RGS20: variants seen among roughly 807,000 people sequenced by gnomAD.
RGS20 encodes the protein regulator of G protein signaling 20, also known as gz-selective GTPase-activating protein.
Under a neutral mutation model 33.6 loss-of-function variants are expected in RGS20, and 30 were observed. The observed-to-expected ratio is 0.89, with a 90% CI of 0.67 to 1.21. The LOEUF (loss-of-function observed/expected upper bound fraction) is 1.21. Among genes scored for constraint, RGS20 ranks in the 50% most tolerant of loss-of-function variants. The probability of loss-of-function intolerance (pLI) is 0.00; values close to 1 mark genes in which losing one functional copy is unlikely to be tolerated. For synonymous variants in RGS20, 208 were observed against 197.9 expected (o/e 1.05, Z -0.43); for missense variants, 472 against 502.4 (o/e 0.94, Z 0.58).
chr8:53,867,181 C>G (rs1034244425), intron 1 of RGS20, among the ~76,000 whole-genome samples: 1 of 151,914 alleles, frequency 6.6e-6, no homozygotes. Context: ...CTCAGGAGAG[C>G]GGCAGAGCCT....
intron 2 of RGS20, among the ~76,000 whole-genome samples, chr8:53,902,025 T>A (rs1439272196): frequency 6.6e-6 from 1 of 152,144 alleles, no homozygotes; most frequent in Non-Finnish European, 1.5e-5. Flanking sequence ...ACTTTTTATT[T>A]TTTTTTCTTT....
chr8:53,923,378 T>A (rs1443470081), intron 2 of RGS20, among the ~76,000 whole-genome samples: 1 of 152,182 alleles, frequency 6.6e-6, no homozygotes, highest in African/African-American at 2.4e-5. Flanking sequence ...GCAGGCTGCT[T>A]GAACTCAAGA....
At chr8:53,871,204 A>G (rs1263817566) in intron 1 of RGS20, among the ~76,000 whole-genome samples, 1 of 151,728 alleles carries the variant, frequency 6.6e-6, no homozygotes, top group Non-Finnish European at 1.5e-5. Context: ...TATCCAGCAA[A>G]TGGTTCCCTT....
intron 2 of RGS20, among the ~76,000 whole-genome samples, chr8:53,882,643 C>CA (rs34390232): frequency 0.16 from 16,967 of 103,242 alleles, 1,353 homozygotes; most frequent in East Asian, 0.34. Context: ...GACTCCGTCT[C>CA]AAAAAAAAAA....
At chr8:53,925,240 A>G (rs1382956972) in intron 2 of RGS20, among the ~76,000 whole-genome samples, 1 of 152,182 alleles carries the variant, frequency 6.6e-6, no homozygotes, top group Non-Finnish European at 1.5e-5. Context: ...TCATTGCCCC[A>G]GCTTGCCTAG....
At chr8:53,912,187 A>T (rs1813363300) in intron 2 of RGS20, among the ~76,000 whole-genome samples, 1 of 152,148 alleles carries the variant, frequency 6.6e-6, no homozygotes, top group Admixed American at 6.5e-5. Flanking sequence ...GTATCGCCTC[A>T]TTTAATCTTC....
At chr8:53,871,260 C>T (rs763632815) in intron 1 of RGS20, among the ~76,000 whole-genome samples, 2 of 151,662 alleles carry the variant, frequency 1.3e-5, no homozygotes, top group Non-Finnish European at 2.9e-5. Context: ...TGCTTTTGTC[C>T]TCATTTGAAC....
chr8:53,866,630 C>T (rs1031503921), intron 1 of RGS20, among the ~76,000 whole-genome samples: 1 of 152,134 alleles, frequency 6.6e-6, no homozygotes, highest in African/African-American at 2.4e-5. Context: ...GATCCACCTG[C>T]CTCGGCCTCT....
chr8:53,885,750 G>GT (rs1812523631), intron 2 of RGS20, among the ~76,000 whole-genome samples: 1 of 148,584 alleles, frequency 6.7e-6, no homozygotes, highest in Admixed American at 6.7e-5. Context: ...GGAAACCGTG[G>GT]TTTTTTCCAG....
At chr8:53,934,026 A>C (rs1253777156) in intron 2 of RGS20, among the ~76,000 whole-genome samples, 2 of 152,238 alleles carry the variant, frequency 1.3e-5, no homozygotes, top group Non-Finnish European at 2.9e-5. Context: ...TAAGCAAAGG[A>C]GAAATGAAAT....
chr8:53,879,846 T>C (rs1170455207), intron 2 of RGS20: 15 of 424,654 alleles, frequency 3.5e-5, no homozygotes, highest in Non-Finnish European at 5.3e-5. Flanking sequence ...TTCCTTTCCA[T>C]GGTCCAAGAA....
chr8:53,932,592 G>A (rs901755498), intron 2 of RGS20, among the ~76,000 whole-genome samples: 1 of 152,174 alleles, frequency 6.6e-6, no homozygotes, highest in African/African-American at 2.4e-5. Flanking sequence ...CCTTCTCTCT[G>A]GATAGGGCAT....
intron 2 of RGS20, among the ~76,000 whole-genome samples, chr8:53,934,415 T>C (rs1814067014): frequency 6.6e-6 from 1 of 152,142 alleles, no homozygotes; most frequent in African/African-American, 2.4e-5. Flanking sequence ...GGAGGAATAT[T>C]TACAAGCAAA....
intron 2 of RGS20, among the ~76,000 whole-genome samples, chr8:53,897,915 C>T (rs764350011): frequency 1.3e-5 from 2 of 152,202 alleles, no homozygotes; most frequent in African/African-American, 2.4e-5. Flanking sequence ...CCAAATTATA[C>T]AGAGCGGCTG....
rs773310285 is a variant in RGS20 at position 53,958,444 on chromosome 8, T to A, written c.1153T>A (p.Ser385Thr). ...CTTGCTTCAGTCCTTATCGGAGAAA[T>A]CTATTGAAGCATAGGATTTTTCAAA... The change falls in exon 6 of 6, where the codon TCT becomes ACT. Residue 385 changes from serine to threonine, a missense_variant. Ser to Thr is a moderately conservative substitution (Grantham distance 58). This residue lies in a region of RGS20 where 125 missense variants were observed against 169.5 expected (regional missense o/e 0.74). Coordinates refer to ENST00000297313, the MANE Select transcript of RGS20 (RefSeq NM_170587.4). The A allele has an allele frequency of 6.6e-7, 1 of 1,506,176 alleles. No individual in the cohort carries two copies. Among genetic ancestry groups the A allele is most frequent in the Non-Finnish European group, 8.9e-7 (1 of 1,126,912 alleles). The allele number at this position is 1,506,176 out of a possible 1,614,324, so 93.3% of individuals were successfully genotyped here.
In RGS20 at chr8:53,958,431, CT is replaced by C; in HGVS notation, c.1142del (p.Leu381TyrfsTer20). On this transcript the variant is annotated frameshift_variant, in exon 6 of 6. Coordinates refer to ENST00000297313, the MANE Select transcript of RGS20 (RefSeq NM_170587.4). LOFTEE classifies it high-confidence loss of function. ...CTGTCTATAAGGACTTGCTTCAGTC[CT>C]TATCGGAGAAATCTATTGAAGCATA... The C allele has an allele frequency of 6.5e-7, 1 of 1,544,846 alleles. No homozygotes were observed. Among genetic ancestry groups the C allele is most frequent in the Non-Finnish European group, 8.7e-7 (1 of 1,145,392 alleles).
intron 2 of RGS20, among the ~76,000 whole-genome samples, chr8:53,938,312 T>G (rs191051401): frequency 6.6e-4 from 100 of 152,224 alleles, no homozygotes; most frequent in African/African-American, 2.1e-3. Context: ...ATGTTCTCGC[T>G]CATAAGTGGG....
chr8:53,874,934 A>G (rs910256470), intron 1 of RGS20, among the ~76,000 whole-genome samples: 1 of 152,232 alleles, frequency 6.6e-6, no homozygotes, highest in African/African-American at 2.4e-5. Context: ...AAGTCAACCT[A>G]TAACACAGGG....
At chr8:53,863,292 A>G (rs566336640) in intron 1 of RGS20, among the ~76,000 whole-genome samples, 137 of 152,072 alleles carry the variant, frequency 9.0e-4, no homozygotes, top group African/African-American at 3.2e-3. Context: ...CGGCCATGAC[A>G]TTTTCAAATT....
Sources: allele counts gnomAD v4.1 joint callset (sites outside exome capture counted in the v4.1 genomes callset), GRCh38; gene constraint gnomAD v4.1.1; regional missense constraint gnomAD v4.1.1; transcripts MANE v1.5; gene names NCBI Gene and HGNC (gene_info 2026-07-23, HGNC 2026-07-21).